MTHFSD: variants seen among roughly 807,000 people sequenced by gnomAD.
The protein encoded by MTHFSD is methenyltetrahydrofolate synthase domain-containing protein.
In MTHFSD, 37 loss-of-function variants were observed where a neutral mutation model predicts 31.1. The ratio of observed to expected loss-of-function variants is 1.19; its 90% CI spans 0.91 to 1.56. MTHFSD has a LOEUF of 1.56. MTHFSD is among the 40% of genes most tolerant of loss of function. MTHFSD has a pLI of 0.00. For synonymous variants in MTHFSD, 221 were observed against 206.9 expected (o/e 1.07, Z -0.59); for missense variants, 664 against 510.1 (o/e 1.30, Z -2.91).
At chr16:86,540,200 T>C (rs1388072010) in intron 7 of MTHFSD, among the ~76,000 whole-genome samples, 1 of 152,202 alleles carries the variant, frequency 6.6e-6, no homozygotes, top group Non-Finnish European at 1.5e-5. Context: ...GTGGTGAAAC[T>C]GAGAACACAG....
At chr16:86,553,434 G>C (rs944080052) in intron 2 of MTHFSD, 1 of 152,792 alleles carries the variant, frequency 6.5e-6, no homozygotes, top group African/African-American at 2.4e-5. Flanking sequence ...TGGAGGGAGA[G>C]GCGCGGGCGG....
intron 3 of MTHFSD, among the ~76,000 whole-genome samples, chr16:86,549,038 C>G (rs982408934): frequency 6.6e-6 from 1 of 152,242 alleles, no homozygotes; most frequent in East Asian, 1.9e-4. Context: ...TTTGACTGTT[C>G]AGCAAATCAC....
chr16:86,551,416 C>G (rs925914887), intron 3 of MTHFSD, among the ~76,000 whole-genome samples: 1 of 152,186 alleles, frequency 6.6e-6, no homozygotes, highest in South Asian at 2.1e-4. Context: ...AGAACTAAAT[C>G]TTCCTTGTAA....
At chr16:86,539,972 A>C (rs1190440605) in intron 7 of MTHFSD, among the ~76,000 whole-genome samples, 5 of 152,238 alleles carry the variant, frequency 3.3e-5, no homozygotes, top group African/African-American at 1.2e-4. Context: ...AGGTATGCCA[A>C]ATATTTGCCA....
intron 5 of MTHFSD, among the ~76,000 whole-genome samples, chr16:86,544,347 C>T (rs1055122322): frequency 1.3e-5 from 2 of 152,136 alleles, no homozygotes; most frequent in African/African-American, 4.8e-5. Flanking sequence ...GGTCTAATAT[C>T]CAGAGTCTGT....
At chr16:86,551,628 T>C (rs376400487) in intron 3 of MTHFSD, among the ~76,000 whole-genome samples, 2 of 152,236 alleles carry the variant, frequency 1.3e-5, no homozygotes, top group East Asian at 1.9e-4. Context: ...CCGTCTGTCA[T>C]CCAGAAGCAA....
chr16:86,545,036 A>G (rs1567545165), intron 5 of MTHFSD, among the ~76,000 whole-genome samples: 1 of 152,182 alleles, frequency 6.6e-6, no homozygotes, highest in South Asian at 2.1e-4. Context: ...GAGGGGAACA[A>G]CACATACTGG....
At chr16:86,537,586 T>A (rs1267028307) in intron 7 of MTHFSD, among the ~76,000 whole-genome samples, 1 of 152,208 alleles carries the variant, frequency 6.6e-6, no homozygotes, top group African/African-American at 2.4e-5. Context: ...GGCCCAGTTG[T>A]GGGTAGGGGT....
chr16:86,537,915 C>T (rs147797090), intron 7 of MTHFSD, among the ~76,000 whole-genome samples: 5 of 152,326 alleles, frequency 3.3e-5, no homozygotes, highest in South Asian at 2.1e-4. Flanking sequence ...GTCAGATGCA[C>T]GGGCCTTGGT....
chr16:86,547,345 GA>G, intron 4 of MTHFSD: 1 of 985,670 alleles, frequency 1.0e-6, no homozygotes, highest in Non-Finnish European at 1.2e-6. Flanking sequence ...TAAGACTCAG[GA>G]AAAAGCCATT....
intron 4 of MTHFSD, chr16:86,547,323 A>G (rs924787568): frequency 1.0e-6 from 1 of 985,678 alleles, no homozygotes; most frequent in African/African-American, 1.7e-5. Flanking sequence ...GGTTCTCATA[A>G]CACGGTTTAT....
At chr16:86,537,802 T>A (rs917121228) in intron 7 of MTHFSD, among the ~76,000 whole-genome samples, 4 of 152,230 alleles carry the variant, frequency 2.6e-5, no homozygotes, top group Non-Finnish European at 4.4e-5. Flanking sequence ...GAGCGGGCCA[T>A]GCTTTGAAAG....
chr16:86,550,681 G>A (rs896178008), intron 3 of MTHFSD, among the ~76,000 whole-genome samples: 3 of 152,256 alleles, frequency 2.0e-5, no homozygotes, highest in African/African-American at 7.2e-5. Flanking sequence ...CTCGAATGCA[G>A]TGACTGCCGA....
chr16:86,552,142 G>T lies in MTHFSD; in HGVS notation c.128C>A (p.Ser43Tyr). 1 of 1,614,236 alleles carries T rather than the reference G, an allele frequency of 6.2e-7. No homozygotes were observed. Among genetic ancestry groups the T allele is most frequent in the Non-Finnish European group, 8.5e-7 (1 of 1,180,042 alleles). Residue 43 changes from serine (S) to tyrosine (Y), a missense_variant, in exon 3 of 8, where the codon TCT becomes TAT. Physicochemically the swap from Ser to Tyr is moderately radical, Grantham distance 144. Transcript: ENST00000360900. ...TTTGATGTTTTGGCAAGCCAGATAA[G>T]ACCCCTAGTTAGGCAAATAGACAGA... is the stretch of plus-strand genomic sequence containing the variant. Reference protein sequence around the residue: ...VHHRIPNFKGSYLACQNIKDL... With the variant: ...VHHRIPNFKGYYLACQNIKDL...
chr16:86,537,703 C>T (rs934332738), intron 7 of MTHFSD, among the ~76,000 whole-genome samples: 1 of 152,222 alleles, frequency 6.6e-6, no homozygotes, highest in Admixed American at 6.5e-5. Flanking sequence ...GAGCCCTGTT[C>T]TCAAATCCTT....
intron 2 of MTHFSD, 35 bp from the exon 3 acceptor site, chr16:86,552,181 C>T: frequency 1.9e-6 from 3 of 1,614,108 alleles, no homozygotes; most frequent in Non-Finnish European, 2.5e-6. Flanking sequence ...GCACTTACTT[C>T]AAGGACGAAG....
At chr16:86,535,337 G>T (rs1359173328) in intron 7 of MTHFSD, 1 of 170,594 alleles carries the variant, frequency 5.9e-6, no homozygotes, top group Admixed American at 3.9e-4. Flanking sequence ...TAATGGCTGT[G>T]GGGCGGCTTT....
chr16:86,554,684 G>A lies in MTHFSD; in HGVS notation c.84C>T (p.Asp28=). The change falls in exon 2 of 8, where the codon GAC becomes GAT. Residue 28 remains aspartate, a synonymous_variant. Transcript: ENST00000360900. ...WGYMESQNLA[D]FPRPVHHRIP... ...TCCTGTGATGAACAGGTCGGGGAAA[G>A]TCAGCTAAATTTTGTGATTCCATGT... 6.2e-7 allele frequency: 1 copy of A among 1,614,212 alleles called. No individual in the cohort carries two copies. Among genetic ancestry groups the A allele is most frequent in the African/African-American group, 1.3e-5 (1 of 75,052 alleles).
intron 4 of MTHFSD, chr16:86,548,216 C>G: frequency 9.6e-7 from 1 of 1,043,146 alleles, no homozygotes; most frequent in South Asian, 1.5e-5. Context: ...CCTTTTCTTA[C>G]AATAAGGAAT....
Sources: allele counts gnomAD v4.1 joint callset (sites outside exome capture counted in the v4.1 genomes callset), GRCh38; gene constraint gnomAD v4.1.1; transcripts MANE v1.5; gene names NCBI Gene and HGNC (gene_info 2026-07-23, HGNC 2026-07-21).